The following BRF1 variants were observed in gnomAD, a reference collection of about 807,000 sequenced individuals.
The protein encoded by BRF1 is transcription factor IIIB 90 kDa subunit.
A neutral mutation model predicts 81.7 loss-of-function variants in BRF1; 59 were observed. The ratio of observed to expected loss-of-function variants is 0.72; its 90% CI spans 0.59 to 0.90. The LOEUF (loss-of-function observed/expected upper bound fraction) is 0.90, where lower values mean the gene tolerates loss of function less well. Ranked by LOEUF, BRF1 falls within the 40% of genes least tolerant of loss-of-function variation. BRF1 has a pLI of 0.00. For missense variants in BRF1, 1,050 were observed against 936.3 expected, an observed-to-expected ratio of 1.12 and a Z score of -1.58; for synonymous variants, 491 against 395.6, an observed-to-expected ratio of 1.24 and a Z score of -2.86.
At chr14:105,281,295 G>A (rs1259212162) in intron 2 of BRF1, among the ~76,000 whole-genome samples, 6 of 142,464 alleles carry the variant, frequency 4.2e-5, no homozygotes, top group Non-Finnish European at 7.6e-5. Context: ...TACAGCCTGT[G>A]TGATCCTGAG....
In BRF1 at chr14:105,241,380, C is replaced by T. The variant is rs200243127; in HGVS notation, c.579G>A (p.Leu193=). 2 of 1,612,742 alleles carry T rather than the reference C, an allele frequency of 1.2e-6. No homozygotes were observed. The highest frequency in any genetic ancestry group is 1.7e-5 in the Admixed American group (1 of 60,018). ...PCLYIPRFAH[L]LEFGEKNHEV... The stretch of plus-strand genomic sequence containing the variant: ...CGTGGTTCTTCTCCCCGAATTCCAG[C>T]AGGTGCGCAAAGCGTGGAATATACA... Residue 193 remains leucine (L), a synonymous_variant, in exon 6 of 18, where the codon CTG becomes CTA. Coordinates refer to ENST00000547530, the MANE Select transcript of BRF1 (RefSeq NM_001519.4).
intron 4 of BRF1, among the ~76,000 whole-genome samples, chr14:105,254,458 C>T (rs368634723): frequency 3.9e-5 from 6 of 152,190 alleles, no homozygotes; most frequent in African/African-American, 9.6e-5. Context: ...GGAGTTTCAC[C>T]GCGTTAGACA....
intron 9 of BRF1, 31 bp downstream of exon 9, chr14:105,226,220 G>A (rs764220157): frequency 3.7e-6 from 6 of 1,614,052 alleles, no homozygotes; most frequent in East Asian, 2.2e-5. Flanking sequence ...CAACAAAACA[G>A]AAGCATTACA....
intron 1 of BRF1, chr14:105,314,408 G>T (rs1005520845): frequency 4.4e-4 from 66 of 150,762 alleles, no homozygotes; most frequent in Middle Eastern, 3.2e-3. Flanking sequence ...GAAGCTGGCC[G>T]GGACCCGGTG....
At chr14:105,302,943 C>CTT (rs60827892), upstream of BRF1, among the ~76,000 whole-genome samples, 1 of 146,730 alleles carries the variant, frequency 6.8e-6, no homozygotes, top group Non-Finnish European at 1.5e-5. Flanking sequence ...TTCTCTAGTT[C>CTT]TTTTTTTTTT....
chr14:105,225,840 G>T (rs1043993249), intron 10 of BRF1, among the ~76,000 whole-genome samples: 4 of 152,256 alleles, frequency 2.6e-5, no homozygotes, highest in Middle Eastern at 3.4e-3. Context: ...TAGAGACAGG[G>T]TTTCACCATG....
chr14:105,264,009 G>A (rs1478886686), intron 3 of BRF1, among the ~76,000 whole-genome samples: 1 of 151,462 alleles, frequency 6.6e-6, no homozygotes, highest in Non-Finnish European at 1.5e-5. Context: ...TAATATTCCA[G>A]CGATTCAATG....
intron 5 of BRF1, chr14:105,241,716 A>T: frequency 2.2e-6 from 1 of 453,056 alleles, no homozygotes; most frequent in Non-Finnish European, 4.1e-6. Flanking sequence ...CACACCCAGC[A>T]GCCTTCCCTC....
chr14:105,211,437 G>A, intron 16 of BRF1, 144 bp from the exon 17 acceptor site: 1 of 713,930 alleles, frequency 1.4e-6, no homozygotes, highest in East Asian at 2.9e-5. Flanking sequence ...GGGCTCCCAG[G>A]CCCACTGGCC....
Position 105,221,919 on chromosome 14 carries a change from G to T in BRF1, c.1049-5C>A, listed in dbSNP as rs763918194. On this transcript the variant is annotated splice_polypyrimidine_tract_variant and splice_region_variant and intron_variant, in intron 10 of 17. Transcript: ENST00000547530. Reference sequence around the variant, plus strand: ...ACGCGGTGTCCTCGGTGGAGCCTAGGTGTACACAATCCACCTGTTAACCAG... The same window carrying T: ...ACGCGGTGTCCTCGGTGGAGCCTAGTTGTACACAATCCACCTGTTAACCAG... The T allele has an allele frequency of 3.2e-6, 5 of 1,574,580 alleles. No homozygotes were observed. Among genetic ancestry groups the T allele is most frequent in the Non-Finnish European group, 4.3e-6 (5 of 1,163,408 alleles).
chr14:105,256,318 C>T (rs2055864526), intron 4 of BRF1, 200 bp downstream of exon 4: 1 of 1,548,962 alleles, frequency 6.5e-7, no homozygotes. Context: ...GAGACCCACA[C>T]TCCCACAAGT....
At chr14:105,247,946 G>T (rs2055236962) in intron 5 of BRF1, 1 of 985,352 alleles carries the variant, frequency 1.0e-6, no homozygotes, top group African/African-American at 1.7e-5. Flanking sequence ...GCGAGCCTGC[G>T]ACTGCGATCC....
chr14:105,248,613 T>C (rs1445830993), intron 5 of BRF1: 2 of 970,562 alleles, frequency 2.1e-6, no homozygotes, highest in Non-Finnish European at 1.2e-6. Context: ...CGGCCGGGCC[T>C]GGCCGGGCTG....
chr14:105,287,876 G>C (rs1352988778), intron 1 of BRF1, among the ~76,000 whole-genome samples: 1 of 152,254 alleles, frequency 6.6e-6, no homozygotes, highest in African/African-American at 2.4e-5. Flanking sequence ...CGGAAACTCA[G>C]AGCTGAACAG....
intron 5 of BRF1, among the ~76,000 whole-genome samples, chr14:105,244,516 A>AG (rs199543541): frequency 0.2 from 30,834 of 151,846 alleles, 3,768 homozygotes; most frequent in Middle Eastern, 0.27. Context: ...TGGAGGAGGA[A>AG]GTGGTGGGCA....
chr14:105,221,870 T>C lies in BRF1; in HGVS notation c.1093A>G (p.Thr365Ala). The C allele has an allele frequency of 6.2e-7, 1 of 1,602,038 alleles. No individual in the cohort carries two copies. Among genetic ancestry groups the C allele is most frequent in the Non-Finnish European group, 8.5e-7 (1 of 1,174,804 alleles). The change falls in exon 11 of 18, where the codon ACA becomes GCA. Residue 365 changes from threonine to alanine, a missense_variant. Thr to Ala is a moderately conservative substitution (Grantham distance 58, BLOSUM62 0). Coordinates refer to ENST00000547530, the MANE Select transcript of BRF1 (RefSeq NM_001519.4). ...TASSLCGEEDTEDEELEAAAS... is the reference protein window; with the variant it reads ...TASSLCGEEDAEDEELEAAAS... The stretch of plus-strand genomic sequence containing the variant: ...GCGGCTTCCAGCTCCTCGTCCTCTG[T>C]GTCCTCCTCGCCACACAAGCTGGAC...
intron 1 of BRF1, among the ~76,000 whole-genome samples, chr14:105,307,287 C>A (rs1316622968): frequency 6.6e-6 from 1 of 152,146 alleles, no homozygotes; most frequent in Non-Finnish European, 1.5e-5. Context: ...TTCCTGAACA[C>A]TAGCCCCCTG....
At chr14:105,211,922 C>T in intron 16 of BRF1, 191 bp downstream of exon 16, 1 of 783,840 alleles carries the variant, frequency 1.3e-6, no homozygotes, top group Non-Finnish European at 2.1e-6. Flanking sequence ...CTGCCCGCTC[C>T]TGCTCCGGCA....
intron 5 of BRF1, chr14:105,246,969 G>A (rs1198943591): frequency 2.0e-6 from 2 of 985,194 alleles, no homozygotes; most frequent in Admixed American, 1.2e-4. Flanking sequence ...TCCCCAAATG[G>A]ACCCACCACA....
Sources: gnomAD v4.1 joint callset for allele counts (sites outside exome capture counted in the v4.1 genomes callset) on GRCh38, gnomAD v4.1.1 for gene constraint, MANE v1.5 for transcripts, NCBI Gene and HGNC (gene_info 2026-07-23, HGNC 2026-07-21) for gene names.